Variants in S100A8 observed in about 807,000 individuals in gnomAD.
S100A8 encodes S100 calcium binding protein A8.
In S100A8, 1 loss-of-function variant was observed where a neutral mutation model predicts 4.2. That is an observed-to-expected ratio of 0.24 (90% CI 0.08 to 1.12). The LOEUF (loss-of-function observed/expected upper bound fraction) is 1.12, where lower values mean the gene tolerates loss of function less well. S100A8 is among the 50% of genes most tolerant of loss of function. S100A8 has a pLI of 0.53. For missense variants in S100A8, 96 were observed against 111.8 expected, an observed-to-expected ratio of 0.86 and a Z score of 0.64; for synonymous variants, 41 against 44.7, an observed-to-expected ratio of 0.92 and a Z score of 0.33.
At chr1:153,418,836 A>G in the S100A8 span, among the ~76,000 whole-genome samples, 1 of 152,168 alleles carries the variant, frequency 6.6e-6, no homozygotes, top group African/African-American at 2.4e-5. Context: ...GTGCCCTTAA[A>G]TGCTGGGAAC....
At chr1:153,407,709 G>T in the S100A8 span, among the ~76,000 whole-genome samples, 4 of 152,178 alleles carry the variant, frequency 2.6e-5, no homozygotes, top group Admixed American at 1.3e-4. Context: ...TAACTGGGAG[G>T]TACCTCCCAG....
At chr1:153,419,146 A>G in the S100A8 span, 2 of 1,613,648 alleles carry the variant, frequency 1.2e-6, no homozygotes, top group Non-Finnish European at 1.7e-6. Flanking sequence ...TCTTCACAGG[A>G]CAAAAAGGGC....
At chr1:153,407,997 T>TA in the S100A8 span, among the ~76,000 whole-genome samples, 2 of 152,076 alleles carry the variant, frequency 1.3e-5, no homozygotes, top group Non-Finnish European at 1.5e-5. Flanking sequence ...CAAAGGTAGA[T>TA]AAAACCACAA....
chr1:153,405,067 A>G, the S100A8 span, among the ~76,000 whole-genome samples: 1 of 152,056 alleles, frequency 6.6e-6, no homozygotes, highest in East Asian at 1.9e-4. Flanking sequence ...TCCTTGGCCA[A>G]GGAGCCTTCC....
chr1:153,403,507 A>C, the S100A8 span, among the ~76,000 whole-genome samples: 2 of 152,228 alleles, frequency 1.3e-5, no homozygotes, highest in East Asian at 3.9e-4. Flanking sequence ...GCTCAAAACA[A>C]GCTTTGTTTC....
intron 2 of S100A8, 35 bp downstream of exon 2, chr1:153,390,360 G>A (rs752757891): frequency 6.2e-7 from 1 of 1,610,904 alleles, no homozygotes; most frequent in South Asian, 1.1e-5. Flanking sequence ...CCAGGACCAG[G>A]CAGAGAGCCC....
At chr1:153,418,971 A>T in the S100A8 span, among the ~76,000 whole-genome samples, 2 of 152,126 alleles carry the variant, frequency 1.3e-5, no homozygotes, top group Non-Finnish European at 2.9e-5. Flanking sequence ...AACTCCAGGG[A>T]TAACACTCAC....
the S100A8 span, among the ~76,000 whole-genome samples, chr1:153,417,520 G>T: frequency 1.8e-4 from 28 of 152,128 alleles, no homozygotes; most frequent in Non-Finnish European, 3.8e-4. Flanking sequence ...TCATGTCCAC[G>T]CTCACATGTG....
At chr1:153,404,404 C>T in the S100A8 span, among the ~76,000 whole-genome samples, 19,047 of 152,120 alleles carry the variant, frequency 0.13, 1,219 homozygotes, top group African/African-American at 0.17. Context: ...CTGAAGCTAT[C>T]TAGGGGTCCA....
chr1:153,393,614 C>T (rs920452272), upstream of S100A8, among the ~76,000 whole-genome samples: 7 of 152,138 alleles, frequency 4.6e-5, no homozygotes, highest in African/African-American at 1.7e-4. Flanking sequence ...AATCAAGCTC[C>T]ATCTAGGAAA....
the S100A8 span, among the ~76,000 whole-genome samples, chr1:153,410,387 G>T: frequency 6.6e-6 from 1 of 152,126 alleles, no homozygotes; most frequent in East Asian, 1.9e-4. Context: ...TAGAAGAAAT[G>T]CATAAATTCC....
At chr1:153,419,231 G>C in the S100A8 span, 2 of 1,614,194 alleles carry the variant, frequency 1.2e-6, no homozygotes, top group South Asian at 2.2e-5. Context: ...CTGAGTTTCT[G>C]TCCTTGCTGG....
chr1:153,403,624 C>A, the S100A8 span, among the ~76,000 whole-genome samples: 1 of 152,104 alleles, frequency 6.6e-6, no homozygotes, highest in Non-Finnish European at 1.5e-5. Context: ...CCTTTCCCAG[C>A]TGTTTTATGA....
upstream of S100A8, among the ~76,000 whole-genome samples, chr1:153,394,009 G>T (rs1662161056): frequency 6.6e-6 from 1 of 152,168 alleles, no homozygotes; most frequent in Non-Finnish European, 1.5e-5. Flanking sequence ...GGGTGCTTTG[G>T]GGACAGCAGG....
At chr1:153,398,406 G>T in the S100A8 span, among the ~76,000 whole-genome samples, 1 of 145,582 alleles carries the variant, frequency 6.9e-6, no homozygotes, top group Admixed American at 6.8e-5. Flanking sequence ...GGGGGCCACC[G>T]CAGTCCCTGC....
chr1:153,419,341 C>G, the S100A8 span: 13 of 1,598,534 alleles, frequency 8.1e-6, no homozygotes, highest in Non-Finnish European at 1.1e-5. Context: ...CCAGAGACCC[C>G]AGGAACAATA....
At chr1:153,395,382 A>G (rs1571170302), upstream of S100A8, among the ~76,000 whole-genome samples, 1 of 152,036 alleles carries the variant, frequency 6.6e-6, no homozygotes, top group Non-Finnish European at 1.5e-5. Context: ...ACTGGCTCCC[A>G]CCCAGGCACC....
upstream of S100A8, among the ~76,000 whole-genome samples, chr1:153,393,610 G>C (rs1300967088): frequency 1.3e-5 from 2 of 152,092 alleles, no homozygotes; most frequent in African/African-American, 4.8e-5. Context: ...GATGAATCAA[G>C]CTCCATCTAG....
chr1:153,393,060 A>G (rs537422260), upstream of S100A8, among the ~76,000 whole-genome samples: 14 of 152,348 alleles, frequency 9.2e-5, no homozygotes, highest in South Asian at 2.3e-3. Context: ...AGATGAGGAA[A>G]CTAAGCCCCA....
Sources: allele counts gnomAD v4.1 joint callset (sites outside exome capture counted in the v4.1 genomes callset), GRCh38; gene constraint gnomAD v4.1.1; transcripts MANE v1.5; gene names NCBI Gene and HGNC (gene_info 2026-07-23, HGNC 2026-07-21).